The following VAPA variants were observed in gnomAD, a reference collection of about 807,000 sequenced individuals.
VAPA encodes the protein VAMP associated protein A, also known as vesicle-associated membrane protein-associated protein A.
A neutral mutation model predicts 25.6 loss-of-function variants in VAPA; 6 were observed. The observed-to-expected ratio is 0.23, with a 90% CI of 0.13 to 0.46. The LOEUF (loss-of-function observed/expected upper bound fraction) is 0.46, where lower values mean the gene tolerates loss of function less well. Ranked by LOEUF, VAPA falls within the 20% of genes least tolerant of loss-of-function variation. The probability of loss-of-function intolerance (pLI) is 0.99; values close to 1 mark genes in which losing one functional copy is unlikely to be tolerated. For synonymous variants in VAPA, 112 were observed against 106.2 expected, an observed-to-expected ratio of 1.05 and a Z score of -0.34; for missense variants, 244 against 302.1, an observed-to-expected ratio of 0.81 and a Z score of 1.43.
chr18:9,930,222 G>A (rs2069239791), intron 1 of VAPA, among the ~76,000 whole-genome samples: 1 of 152,014 alleles, frequency 6.6e-6, no homozygotes, highest in African/African-American at 2.4e-5. Flanking sequence ...AAATAATTAG[G>A]CATTCACTAT....
chr18:9,936,854 C>T, intron 3 of VAPA, 132 bp from the exon 4 acceptor site: 1 of 634,734 alleles, frequency 1.6e-6, no homozygotes, highest in East Asian at 2.8e-5. Flanking sequence ...GCAGGGTGAT[C>T]AATAAAGAGT....
intron 4 of VAPA, chr18:9,944,961 C>T: frequency 6.2e-7 from 1 of 1,614,148 alleles, no homozygotes; most frequent in Non-Finnish European, 8.5e-7. Flanking sequence ...ACTGTCACTT[C>T]AATGAGCAGC....
Position 9,957,764 on chromosome 18 carries a change from G to C in VAPA, c.*3553G>C, listed in dbSNP as rs1273961642. The C allele has an allele frequency of 6.6e-6, 1 of 152,210 alleles. No individual in the cohort carries two copies. Among genetic ancestry groups the C allele is most frequent in the African/African-American group, 2.4e-5 (1 of 41,450 alleles). 9.4% of individuals were successfully genotyped at this position (152,210 alleles called of 1,614,324 possible). ...TGTGTGGTTTGTGCATTTATATCCT[G>C]TTAAGCATTAATAGCTAATCACTGG... On this transcript the variant is annotated 3_prime_UTR_variant, in exon 6 of 6. Transcript: ENST00000400000.
At chr18:9,945,936 T>C (rs1322933013) in intron 4 of VAPA, among the ~76,000 whole-genome samples, 1 of 152,234 alleles carries the variant, frequency 6.6e-6, no homozygotes, top group Non-Finnish European at 1.5e-5. Flanking sequence ...GACAGTACTC[T>C]TGACTTTAGC....
intron 4 of VAPA, among the ~76,000 whole-genome samples, chr18:9,940,406 C>G (rs1000938043): frequency 5.9e-5 from 9 of 152,012 alleles, no homozygotes; most frequent in African/African-American, 2.2e-4. Flanking sequence ...TATAATCGAC[C>G]GGGTACCTGT....
At chr18:9,945,124 C>G in intron 4 of VAPA, 4 of 1,542,630 alleles carry the variant, frequency 2.6e-6, no homozygotes, top group Non-Finnish European at 3.5e-6. Context: ...AATGTAGATA[C>G]CTAGCAGATA....
At chr18:9,937,187 C>A in intron 4 of VAPA, 121 bp downstream of exon 4, 7 of 432,264 alleles carry the variant, frequency 1.6e-5, no homozygotes, top group Non-Finnish European at 2.3e-5. Context: ...TCATAAGACT[C>A]AGTGGTTAAG....
intron 2 of VAPA, among the ~76,000 whole-genome samples, chr18:9,935,829 A>G (rs1030845409): frequency 9.2e-5 from 14 of 152,310 alleles, no homozygotes; most frequent in Admixed American, 5.2e-4. Context: ...GTAATTGTTT[A>G]TTTTGTTGGT....
In VAPA at chr18:9,959,698, A is replaced by T. The variant is rs370206935; in HGVS notation, c.*5487A>T. 7.9e-5 allele frequency: 11 copies of T among 138,610 alleles called. No individual in the cohort carries two copies. The highest frequency in any genetic ancestry group is 1.1e-4 in the Non-Finnish European group (7 of 65,502). The allele number at this position is 138,610 out of a possible 1,614,324, so 8.6% of individuals were successfully genotyped here. A position where few individuals can be genotyped will look rare whatever the true frequency, so the allele number is the denominator to read the frequency against. On this transcript the variant is annotated 3_prime_UTR_variant, in exon 6 of 6. Coordinates refer to ENST00000400000, the MANE Select transcript of VAPA (RefSeq NM_194434.3). ...AATACAATGTGTGTGTGTGAGAGAG[A>T]GAGTGAGTTACTGACATTGTTCCAA...
chr18:9,944,092 G>A (rs1330754761), intron 4 of VAPA, among the ~76,000 whole-genome samples: 6 of 151,714 alleles, frequency 4.0e-5, no homozygotes, highest in Non-Finnish European at 7.4e-5. Context: ...CTTGTGATCC[G>A]CCCGCCTTGG....
intron 2 of VAPA, among the ~76,000 whole-genome samples, chr18:9,935,570 ACCC>A (rs2069301083): frequency 1.3e-5 from 2 of 152,168 alleles, no homozygotes; most frequent in South Asian, 4.1e-4. Flanking sequence ...ACAGAGTGAG[ACCC>A]TGTTTTAAAA....
At chr18:9,917,216 A>AT (rs969455101) in intron 1 of VAPA, among the ~76,000 whole-genome samples, 4 of 152,050 alleles carry the variant, frequency 2.6e-5, no homozygotes, top group Non-Finnish European at 4.4e-5. Context: ...TATGTGAAAG[A>AT]TTTTTTTTGT....
intron 4 of VAPA, among the ~76,000 whole-genome samples, chr18:9,943,739 T>C (rs1028059568): frequency 6.6e-6 from 1 of 151,476 alleles, no homozygotes; most frequent in African/African-American, 2.4e-5. Flanking sequence ...TGTTCACTTC[T>C]AAAAAATTTT....
rs1044192 is a variant in VAPA at position 9,950,479 on chromosome 18, A to C, written c.502A>C (p.Asn168His). 6.2e-7 allele frequency: 1 copy of C among 1,614,164 alleles called. No homozygotes were observed. The highest frequency in any genetic ancestry group is 8.5e-7 in the Non-Finnish European group (1 of 1,180,012). Residue 168 changes from asparagine to histidine, a missense_variant, in exon 5 of 6, where the codon AAT (asparagine) becomes CAT (histidine). By Grantham distance (68) the Asn-to-His change is moderately conservative. This residue lies in a region of VAPA where 145 missense variants were observed against 140.6 expected (regional missense o/e 1.03). Coordinates refer to ENST00000400000, the MANE Select transcript of VAPA (RefSeq NM_194434.3). ...GCCAAAACCACACAGTGTTTCACTT[A>C]ATGATACCGAAACAAGGAAACTAAT... ...PMPKPHSVSL[N>H]DTETRKLMEE...
chr18:9,945,985 C>T (rs757342945), intron 4 of VAPA, among the ~76,000 whole-genome samples: 4 of 152,118 alleles, frequency 2.6e-5, no homozygotes, highest in Non-Finnish European at 5.9e-5. Context: ...TCCATCACTC[C>T]TGTTAGTTGT....
chr18:9,915,715 A>G (rs2143267285), intron 1 of VAPA: 1 of 152,378 alleles, frequency 6.6e-6, no homozygotes, highest in Middle Eastern at 3.4e-3. Context: ...TAGGAATTTA[A>G]AATATATTCT....
At chr18:9,920,509 G>T (rs908704959) in intron 1 of VAPA, among the ~76,000 whole-genome samples, 8 of 152,134 alleles carry the variant, frequency 5.3e-5, no homozygotes, top group African/African-American at 1.7e-4. Context: ...TGCCCTGTGG[G>T]CCAGGCTGGT....
At chr18:9,921,429 T>C (rs1346025578) in intron 1 of VAPA, among the ~76,000 whole-genome samples, 4 of 152,178 alleles carry the variant, frequency 2.6e-5, no homozygotes, top group African/African-American at 9.7e-5. Context: ...AAAAAGAAAA[T>C]GCTATTTTTC....
At position 9,955,217 on chromosome 18, in the gene VAPA, A is replaced by G. The variant is rs139587359; in HGVS notation, c.*1006A>G. On this transcript the variant is annotated 3_prime_UTR_variant, in exon 6 of 6. Coordinates refer to ENST00000400000, the MANE Select transcript of VAPA (RefSeq NM_194434.3). Reference sequence around the variant, plus strand: ...ACCAGCCTAATAAATAAGTCTTACTACTTTTCATAATATTTCATAATAGTT... The same window carrying G: ...ACCAGCCTAATAAATAAGTCTTACTGCTTTTCATAATATTTCATAATAGTT... The G allele has an allele frequency of 7.9e-4, 120 of 152,312 alleles. No individual in the cohort carries two copies. Among genetic ancestry groups the G allele is most frequent in the African/African-American group, 2.6e-3 (110 of 41,570 alleles). The allele number at this position is 152,312 out of a possible 1,614,324, so 9.4% of individuals were successfully genotyped here. A position where few individuals can be genotyped will look rare whatever the true frequency, so the allele number is the denominator to read the frequency against.
Sources: gnomAD v4.1 joint callset for allele counts (sites outside exome capture counted in the v4.1 genomes callset) on GRCh38, gnomAD v4.1.1 for gene constraint, gnomAD v4.1.1 regional missense constraint, MANE v1.5 for transcripts, NCBI Gene and HGNC (gene_info 2026-07-23, HGNC 2026-07-21) for gene names.